PTPRO: variants seen among roughly 807,000 people sequenced by gnomAD.
PTPRO encodes receptor-type tyrosine-protein phosphatase O.
In PTPRO, 62 loss-of-function variants were observed where a neutral mutation model predicts 145.2. The observed-to-expected ratio is 0.43, with a 90% CI of 0.35 to 0.53. The LOEUF (loss-of-function observed/expected upper bound fraction) is 0.53, where lower values mean the gene tolerates loss of function less well. PTPRO is among the 20% of genes least tolerant of loss of function. PTPRO has a pLI of 0.01. For synonymous variants in PTPRO, 565 were observed against 514.7 expected, an observed-to-expected ratio of 1.10 and a Z score of -1.32; for missense variants, 1,345 against 1,482.7, an observed-to-expected ratio of 0.91 and a Z score of 1.53.
intron 1 of PTPRO, among the ~76,000 whole-genome samples, chr12:15,332,127 A>C (rs1211457277): frequency 6.6e-6 from 1 of 151,918 alleles, no homozygotes; most frequent in African/African-American, 2.4e-5. Context: ...CAGCCTGCTC[A>C]GCTAATTTTT....
At chr12:15,555,933 G>A (rs1565425892) in intron 15 of PTPRO, among the ~76,000 whole-genome samples, 3 of 152,026 alleles carry the variant, frequency 2.0e-5, no homozygotes. Context: ...TTTCATCATG[G>A]TGATGCATAT....
intron 13 of PTPRO, among the ~76,000 whole-genome samples, chr12:15,548,399 A>G (rs939643632): frequency 5.3e-5 from 8 of 152,154 alleles, no homozygotes; most frequent in African/African-American, 1.9e-4. Context: ...TTAAATGTAC[A>G]CTTTTTGACT....
chr12:15,565,401 T>C (rs935122801), intron 17 of PTPRO, 192 bp from the exon 18 acceptor site: 5 of 490,240 alleles, frequency 1.0e-5, no homozygotes, highest in Admixed American at 6.9e-5. Flanking sequence ...TCTAGTAGAG[T>C]TTTAAAAAAT....
rs149288290 is a variant in PTPRO at position 15,415,614 on chromosome 12, C to T, written c.76-68360C>T. On this transcript the variant is annotated intron_variant, in intron 1 of 26. Transcript: ENST00000281171. ...GTTAGCCAGGATGGTCTCGATCTCC[C>T]GACCTTGTGATCCGCCCACCCTGGC... Among the ~76,000 whole-genome samples the T allele has an allele frequency of 5.1e-3, 769 of 151,688 alleles. 14 individuals carry two copies. The highest frequency in any genetic ancestry group is 9.4e-3 in the Admixed American group (143 of 15,270).
chr12:15,325,320 G>A (rs1167606104), intron 1 of PTPRO, among the ~76,000 whole-genome samples: 1 of 152,170 alleles, frequency 6.6e-6, no homozygotes. Context: ...GTGTATGAAT[G>A]GCTATAATCA....
chr12:15,512,723 G>A (rs1169733105), intron 7 of PTPRO, among the ~76,000 whole-genome samples: 2 of 152,188 alleles, frequency 1.3e-5, no homozygotes, highest in African/African-American at 4.8e-5. Context: ...GCCAGGCACG[G>A]CGGTTCACGC....
At chr12:15,358,747 A>T (rs571600372) in intron 1 of PTPRO, among the ~76,000 whole-genome samples, 3 of 152,212 alleles carry the variant, frequency 2.0e-5, no homozygotes, top group Non-Finnish European at 4.4e-5. Context: ...TTTACCTGTT[A>T]TTTAATGTAA....
At chr12:15,385,710 G>T (rs1372282672) in intron 1 of PTPRO, among the ~76,000 whole-genome samples, 2 of 151,424 alleles carry the variant, frequency 1.3e-5, no homozygotes, top group Non-Finnish European at 2.9e-5. Flanking sequence ...TACTCAGGAG[G>T]CTGAGGCAGG....
At chr12:15,472,991 C>A (rs1941575405) in intron 1 of PTPRO, among the ~76,000 whole-genome samples, 1 of 152,174 alleles carries the variant, frequency 6.6e-6, no homozygotes, top group Non-Finnish European at 1.5e-5. Flanking sequence ...ATGAGCATCA[C>A]AGGAAGGGGA....
chr12:15,353,995 G>A (rs1170561553), intron 1 of PTPRO, among the ~76,000 whole-genome samples: 1 of 152,152 alleles, frequency 6.6e-6, no homozygotes, highest in African/African-American at 2.4e-5. Flanking sequence ...CCATCAAGTG[G>A]AAAGTTTGTT....
rs778370583 is a variant in PTPRO at position 15,578,975 on chromosome 12, T to C, written c.2920+32T>C. 4 of 1,500,850 alleles carry C rather than the reference T, an allele frequency of 2.7e-6. No individual in the cohort carries two copies. The South Asian group carries it at 4.5e-5, about 17-fold the overall frequency. 93.0% of individuals were successfully genotyped at this position (1,500,850 alleles called of 1,614,324 possible). On this transcript the variant is annotated intron_variant, in intron 20 of 26. Transcript: ENST00000281171. ...TCGTCAATTGTGCCAATAACACTCA[T>C]GTCTTAAGGGTTGAAGGACTGTCAT...
chr12:15,569,396 ATTTC>A lies in PTPRO; in HGVS notation c.2748-17_2748-14del. On this transcript the variant is annotated splice_polypyrimidine_tract_variant and intron_variant, in intron 18 of 26. Coordinates refer to ENST00000281171, the MANE Select transcript of PTPRO (RefSeq NM_030667.3). ...AACAAGAATTTTAAAATGTATGTAT[ATTTC>A]TTTGTGTTTGGCAAAGCCCGGTTCA... 6.3e-7 allele frequency: 1 copy of A among 1,581,398 alleles called. No homozygotes were observed. The highest frequency in any genetic ancestry group is 1.1e-5 in the South Asian group (1 of 90,376).
intron 14 of PTPRO, 100 bp downstream of exon 14, chr12:15,549,326 A>T (rs549704899): frequency 2.1e-6 from 2 of 975,276 alleles, no homozygotes. Context: ...CAAGCTTCGG[A>T]GTCAGAGAGT....
chr12:15,482,143 TG>T (rs1941790918), intron 1 of PTPRO, among the ~76,000 whole-genome samples: 1 of 148,300 alleles, frequency 6.7e-6, no homozygotes, highest in African/African-American at 2.5e-5. Flanking sequence ...AAAGAAAATA[TG>T]GTGTGTGTGT....
chr12:15,426,939 A>T (rs909796164), intron 1 of PTPRO, among the ~76,000 whole-genome samples: 1 of 152,046 alleles, frequency 6.6e-6, no homozygotes, highest in Non-Finnish European at 1.5e-5. Flanking sequence ...ACTGTTTGGC[A>T]GTCAAAGGGA....
At chr12:15,341,298 A>AATG (rs1866975226) in intron 1 of PTPRO, among the ~76,000 whole-genome samples, 1 of 152,294 alleles carries the variant, frequency 6.6e-6, no homozygotes, top group Admixed American at 6.5e-5. Context: ...GTTATAAGCT[A>AATG]ATGATGCTTC....
At chr12:15,442,994 A>T (rs984105562) in intron 1 of PTPRO, among the ~76,000 whole-genome samples, 10 of 152,118 alleles carry the variant, frequency 6.6e-5, no homozygotes, top group African/African-American at 2.4e-4. Context: ...TATACAGACC[A>T]AAAAAGAGCC....
At chr12:15,439,715 G>A (rs1008330683) in intron 1 of PTPRO, 13 of 505,044 alleles carry the variant, frequency 2.6e-5, no homozygotes, top group Admixed American at 6.7e-5. Context: ...GCCCGTCACC[G>A]AGCTGGACCT....
At chr12:15,585,057 C>T (rs539292829) in intron 23 of PTPRO, among the ~76,000 whole-genome samples, 1 of 152,304 alleles carries the variant, frequency 6.6e-6, no homozygotes, top group Admixed American at 6.5e-5. Context: ...GACCCCAGTT[C>T]CAGGACCCCT....
Sources: allele counts gnomAD v4.1 joint callset (sites outside exome capture counted in the v4.1 genomes callset), GRCh38; gene constraint gnomAD v4.1.1; transcripts MANE v1.5; gene names NCBI Gene and HGNC (gene_info 2026-07-23, HGNC 2026-07-21).